Variants in DPYD observed in about 807,000 individuals in gnomAD.
DPYD encodes dihydropyrimidine dehydrogenase [NADP(+)].
A neutral mutation model predicts 116.2 loss-of-function variants in DPYD; 109 were observed. The observed-to-expected ratio is 0.94, with a 90% CI of 0.80 to 1.10. DPYD has a LOEUF of 1.10. DPYD is among the 50% of genes least tolerant of loss of function. The pLI, the probability that DPYD is intolerant of heterozygous loss-of-function variation, is 0.00. For synonymous variants in DPYD, 440 were observed against 432.0 expected, an observed-to-expected ratio of 1.02 and a Z score of -0.23; for missense variants, 1,302 against 1,254.5, an observed-to-expected ratio of 1.04 and a Z score of -0.57.
rs1661465441 is a variant in DPYD at position 97,699,340 on chromosome 1, G to T, written c.680+11C>A. Reference sequence around the variant, plus strand: ...CTGACACTATAAACATGAAATAAATGTAGGCATTACCTTAAACCACCAACA... The same window carrying T: ...CTGACACTATAAACATGAAATAAATTTAGGCATTACCTTAAACCACCAACA... On this transcript the variant is annotated intron_variant, in intron 6 of 22. Transcript: ENST00000370192. 7 of 1,610,830 alleles carry T rather than the reference G, an allele frequency of 4.3e-6. No homozygotes were observed. The highest frequency in any genetic ancestry group is 5.9e-6 in the Non-Finnish European group (7 of 1,177,180).
At chr1:97,785,680 T>TG (rs1666977572) in intron 3 of DPYD, among the ~76,000 whole-genome samples, 7 of 125,248 alleles carry the variant, frequency 5.6e-5, no homozygotes, top group African/African-American at 2.1e-4. Flanking sequence ...GGCCACTGAC[T>TG]CTTTTTTTTT....
chr1:97,517,086 TGCAAA>T (rs1648286074), intron 12 of DPYD, among the ~76,000 whole-genome samples: 1 of 152,096 alleles, frequency 6.6e-6, no homozygotes, highest in Admixed American at 6.6e-5. Context: ...CCACTTACAA[TGCAAA>T]GCAAAGTTCA....
chr1:97,752,962 C>G (rs1665015027), intron 3 of DPYD, among the ~76,000 whole-genome samples: 3 of 152,088 alleles, frequency 2.0e-5, no homozygotes, highest in Admixed American at 2.0e-4. Context: ...AGTTTTTGTA[C>G]AGTTAATGTT....
intron 8 of DPYD, among the ~76,000 whole-genome samples, chr1:97,639,510 AT>A (rs1365960407): frequency 1.3e-5 from 2 of 152,104 alleles, no homozygotes; most frequent in African/African-American, 4.8e-5. Flanking sequence ...TGGAAAAAAA[AT>A]GTAAGCACTA....
chr1:97,234,725 A>G lies in DPYD; in HGVS notation c.2442+127T>C, dbSNP rs922113048. ...TCAGAGGAACTTAATACATGCTGCC[A>G]TTTTGATCCCAAATGGCCTCCTTTT... is the stretch of plus-strand genomic sequence containing the variant. On this transcript the variant is annotated intron_variant, in intron 19 of 22. Transcript: ENST00000370192. 7.5e-6 allele frequency: 9 copies of G among 1,195,960 alleles called. No individual in the cohort carries two copies. In the Admixed American group the frequency reaches 8.0e-5, roughly 11 times the overall value. 74.1% of individuals were successfully genotyped at this position (1,195,960 alleles called of 1,614,324 possible).
intron 5 of DPYD, chr1:97,719,704 C>T: frequency 1.2e-5 from 12 of 984,822 alleles, no homozygotes; most frequent in Non-Finnish European, 1.4e-5. Flanking sequence ...ACAGGACTTT[C>T]TAAAATCAGG....
intron 8 of DPYD, among the ~76,000 whole-genome samples, chr1:97,609,258 T>C (rs1483457230): frequency 6.6e-6 from 1 of 151,920 alleles, no homozygotes; most frequent in Non-Finnish European, 1.5e-5. Flanking sequence ...CCAGGCTGTA[T>C]AAAGGGCCAC....
chr1:97,258,027 G>A (rs1663620307), intron 18 of DPYD, among the ~76,000 whole-genome samples: 1 of 152,024 alleles, frequency 6.6e-6, no homozygotes, highest in Non-Finnish European at 1.5e-5. Flanking sequence ...AGAAGGAATG[G>A]AGGGAATCAC....
rs371760110 is a variant in DPYD, at chr1:97,578,426, T to C, written c.1129-4456A>G. 2.0e-5 allele frequency among the ~76,000 whole-genome samples: 3 copies of C among 152,092 alleles called. No individual in the cohort carries two copies. The South Asian group carries it at 6.2e-4, about 32-fold the overall frequency. ...TCATCATGATTTTACAGATTTAGCA[T>C]ACAGCCTTAGGCACACTGCTGCTTG... On this transcript the variant is annotated intron_variant, in intron 10 of 22. Coordinates refer to ENST00000370192, the MANE Select transcript of DPYD (RefSeq NM_000110.4).
At chr1:97,612,373 A>C (rs568979913) in intron 8 of DPYD, among the ~76,000 whole-genome samples, 2 of 152,154 alleles carry the variant, frequency 1.3e-5, no homozygotes, top group South Asian at 4.1e-4. Context: ...AAGTGGGTCT[A>C]AAATACTTGC....
intron 14 of DPYD, among the ~76,000 whole-genome samples, chr1:97,447,885 T>C (rs1480565284): frequency 6.6e-6 from 1 of 152,194 alleles, no homozygotes; most frequent in East Asian, 1.9e-4. Flanking sequence ...TAGATACTAT[T>C]GAATCAGTAT....
At chr1:97,865,305 G>A (rs1671322400) in intron 2 of DPYD, among the ~76,000 whole-genome samples, 1 of 151,866 alleles carries the variant, frequency 6.6e-6, no homozygotes, top group African/African-American at 2.4e-5. Flanking sequence ...GTGTTCTCAA[G>A]CTTCTATATA....
chr1:97,323,522 ACACATATATATACATAT>A (rs1460828721), intron 16 of DPYD, among the ~76,000 whole-genome samples: 1 of 69,640 alleles, frequency 1.4e-5, no homozygotes, highest in African/African-American at 5.4e-5. Flanking sequence ...GTGTATATAT[ACACATATATATACATAT>A]CATATATATA....
At chr1:97,168,155 T>C (rs1211793184) in intron 20 of DPYD, among the ~76,000 whole-genome samples, 1 of 152,134 alleles carries the variant, frequency 6.6e-6, no homozygotes, top group Non-Finnish European at 1.5e-5. Flanking sequence ...TCCAAACAAG[T>C]TAAGCTTTTC....
At chr1:97,906,971 G>A (rs545728175) in intron 1 of DPYD, among the ~76,000 whole-genome samples, 2 of 152,096 alleles carry the variant, frequency 1.3e-5, no homozygotes, top group South Asian at 2.1e-4. Context: ...TAAAATATGC[G>A]TTTCTTGAAT....
chr1:97,078,889 A>T lies in DPYD; in HGVS notation c.*87T>A. On this transcript the variant is annotated 3_prime_UTR_variant, in exon 23 of 23. Coordinates refer to ENST00000370192, the MANE Select transcript of DPYD (RefSeq NM_000110.4). ...AAAATGTATATTTGTTTTAATTTGG[A>T]AAGAGCTGAACACAAGGATCATGAT... is the stretch of plus-strand genomic sequence containing the variant. 6.9e-7 allele frequency: 1 copy of T among 1,445,868 alleles called. No individual in the cohort carries two copies. Among genetic ancestry groups the T allele is most frequent in the Non-Finnish European group, 9.7e-7 (1 of 1,029,052 alleles). 89.6% of individuals were successfully genotyped at this position (1,445,868 alleles called of 1,614,324 possible).
chr1:97,524,396 C>G (rs1648903591), intron 12 of DPYD, among the ~76,000 whole-genome samples: 1 of 152,120 alleles, frequency 6.6e-6, no homozygotes, highest in Non-Finnish European at 1.5e-5. Flanking sequence ...AGGATATTTT[C>G]CAAGCCCTAA....
At chr1:97,456,833 AT>A (rs765615143) in intron 13 of DPYD, among the ~76,000 whole-genome samples, 6 of 152,144 alleles carry the variant, frequency 3.9e-5, no homozygotes, top group Non-Finnish European at 8.8e-5. Flanking sequence ...AATAATTATC[AT>A]TTAGTGAAAT....
intron 18 of DPYD, among the ~76,000 whole-genome samples, chr1:97,260,888 G>A (rs549675565): frequency 6.6e-6 from 1 of 152,114 alleles, no homozygotes; most frequent in Non-Finnish European, 1.5e-5. Context: ...GAGCAGGCAA[G>A]TTCCAGAAAG....
Sources: allele counts gnomAD v4.1 joint callset (sites outside exome capture counted in the v4.1 genomes callset), GRCh38; gene constraint gnomAD v4.1.1; transcripts MANE v1.5; gene names NCBI Gene and HGNC (gene_info 2026-07-23, HGNC 2026-07-21).